The following RBFOX3 variants were observed in gnomAD, a reference collection of about 807,000 sequenced individuals.
RBFOX3 encodes RNA binding protein fox-1 homolog 3.
RBFOX3 carries 17 observed loss-of-function variants against 48.7 expected under a neutral mutation model. The ratio of observed to expected loss-of-function variants is 0.35; its 90% CI spans 0.24 to 0.52. RBFOX3 has a LOEUF of 0.52. RBFOX3 is among the 20% of genes least tolerant of loss of function. The pLI is 0.94. For synonymous variants in RBFOX3, 212 were observed against 209.5 expected (o/e 1.01, Z -0.10); for missense variants, 382 against 497.5 (o/e 0.77, Z 2.21).
intron 3 of RBFOX3, among the ~76,000 whole-genome samples, chr17:79,279,503 G>A (rs538774591): frequency 1.1e-4 from 16 of 152,290 alleles, no homozygotes; most frequent in Admixed American, 7.2e-4. Context: ...CTGTCACGGC[G>A]GGTTGTGGGC....
At chr17:79,526,920 C>T (rs1321698608) in intron 1 of RBFOX3, among the ~76,000 whole-genome samples, 1 of 152,236 alleles carries the variant, frequency 6.6e-6, no homozygotes, top group Non-Finnish European at 1.5e-5. Flanking sequence ...CTGCAGCCAG[C>T]CACGCTGGAG....
chr17:79,624,513 C>T, the RBFOX3 span, among the ~76,000 whole-genome samples: 1 of 152,122 alleles, frequency 6.6e-6, no homozygotes, highest in Admixed American at 6.5e-5. Flanking sequence ...AATCTGGAGA[C>T]TCAAGTCCAA....
intron 5 of RBFOX3, among the ~76,000 whole-genome samples, chr17:79,110,488 G>A (rs1053151696): frequency 2.0e-5 from 3 of 152,184 alleles, no homozygotes; most frequent in African/African-American, 4.8e-5. Flanking sequence ...TTGTTGGCAC[G>A]GAACCAAGCT....
intron 4 of RBFOX3, among the ~76,000 whole-genome samples, chr17:79,186,678 T>TAA (rs34346626): frequency 2.0e-4 from 30 of 151,680 alleles, no homozygotes; most frequent in African/African-American, 9.7e-5. Flanking sequence ...ATTCACTACT[T>TAA]AAAAAAAAGA....
intron 4 of RBFOX3, among the ~76,000 whole-genome samples, chr17:79,150,063 A>AGGGGGGGGGGTGG (rs2044063914): frequency 8.3e-5 from 1 of 11,988 alleles, no homozygotes. Context: ...ATGGGGGTTG[A>AGGGGGGGGGGTGG]GGGTGGGGGT....
At chr17:79,156,877 C>T (rs768766552) in intron 4 of RBFOX3, among the ~76,000 whole-genome samples, 4 of 152,188 alleles carry the variant, frequency 2.6e-5, no homozygotes, top group Non-Finnish European at 5.9e-5. Context: ...CGGGAGGAAA[C>T]GGCATGCTGG....
the RBFOX3 span, among the ~76,000 whole-genome samples, chr17:79,639,621 A>G: frequency 6.6e-6 from 1 of 152,218 alleles, no homozygotes; most frequent in Non-Finnish European, 1.5e-5. Flanking sequence ...GAACTCAACA[A>G]CACATTAAAA....
intron 3 of RBFOX3, among the ~76,000 whole-genome samples, chr17:79,270,483 C>T (rs2067467241): frequency 6.6e-6 from 1 of 152,270 alleles, no homozygotes; most frequent in Non-Finnish European, 1.5e-5. Flanking sequence ...CATGCCTCCC[C>T]TTCTCCTGTA....
chr17:79,155,873 C>T (rs572263739), intron 4 of RBFOX3, among the ~76,000 whole-genome samples: 5 of 152,318 alleles, frequency 3.3e-5, no homozygotes, highest in African/African-American at 1.2e-4. Context: ...TTCCCACCCG[C>T]ACCTCTCCTC....
At chr17:79,557,685 G>T (rs892744515) in intron 1 of RBFOX3, among the ~76,000 whole-genome samples, 1 of 152,238 alleles carries the variant, frequency 6.6e-6, no homozygotes, top group Non-Finnish European at 1.5e-5. Context: ...ATTGGCTCTG[G>T]TATCAACACA....
intron 3 of RBFOX3, among the ~76,000 whole-genome samples, chr17:79,303,851 C>CTCTGTGTGTGTGTGTG (rs1555657051): frequency 6.1e-5 from 9 of 147,780 alleles, no homozygotes; most frequent in African/African-American, 2.2e-4. Flanking sequence ...GCATGTCTGC[C>CTCTGTGTGTGTGTGTG]TGTGTGTGTG....
At position 79,249,343 on chromosome 17, in the gene RBFOX3, G is replaced by A. The variant is rs1021510655; in HGVS notation, c.-73-13538C>T. On this transcript the variant is annotated intron_variant, in intron 3 of 14. Coordinates refer to ENST00000693108, the MANE Select transcript of RBFOX3 (RefSeq NM_001350451.2). This position sits in a 1 kb window ranked among gnomAD's most constrained non-coding sequence, Gnocchi z 4.1. Reference sequence around the variant, plus strand: ...CACCTCCCTCTGTTCCCTGTGTCTCGGCCCGCTCGGCTCCAATGCTGCTGC... The same window carrying A: ...CACCTCCCTCTGTTCCCTGTGTCTCAGCCCGCTCGGCTCCAATGCTGCTGC... Among the ~76,000 whole-genome samples, 3 of 152,106 alleles carry A rather than the reference G, an allele frequency of 2.0e-5. No individual in the cohort carries two copies. Among genetic ancestry groups the A allele is most frequent in the Admixed American group, 1.3e-4 (2 of 15,270 alleles).
At chr17:79,584,915 G>GCCA (rs1172134454) in intron 1 of RBFOX3, among the ~76,000 whole-genome samples, 1 of 151,984 alleles carries the variant, frequency 6.6e-6, no homozygotes, top group African/African-American at 2.4e-5. Flanking sequence ...ACAGGCACCC[G>GCCA]CCACCACACC....
intron 1 of RBFOX3, among the ~76,000 whole-genome samples, chr17:79,552,141 G>T (rs1599132569): frequency 6.6e-6 from 1 of 152,268 alleles, no homozygotes; most frequent in East Asian, 1.9e-4. Context: ...GTGGGTAGCA[G>T]AATGGAAAGA....
At chr17:79,551,550 G>A (rs2091160191) in intron 1 of RBFOX3, among the ~76,000 whole-genome samples, 2 of 150,920 alleles carry the variant, frequency 1.3e-5, no homozygotes, top group Admixed American at 1.3e-4. Context: ...TGGGTGGATG[G>A]ATGGGCAGAT....
chr17:79,146,022 C>T (rs1212419122), intron 4 of RBFOX3, among the ~76,000 whole-genome samples: 3 of 152,154 alleles, frequency 2.0e-5, no homozygotes, highest in Middle Eastern at 3.2e-3. Context: ...ATCCCTTGCA[C>T]GTGCAGTTCA....
At chr17:79,332,555 GTGT>G (rs2080485638) in intron 2 of RBFOX3, among the ~76,000 whole-genome samples, 1 of 124,362 alleles carries the variant, frequency 8.0e-6, no homozygotes, top group Non-Finnish European at 1.8e-5. Flanking sequence ...ACACAGAGAA[GTGT>G]GGGGGCGTGG....
intron 3 of RBFOX3, among the ~76,000 whole-genome samples, chr17:79,272,923 A>AC (rs5822284): frequency 0.63 from 95,737 of 151,252 alleles, 30,612 homozygotes; most frequent in East Asian, 0.8. Flanking sequence ...CTCTAGGGCC[A>AC]CCCCAGTACC....
At position 79,089,818 on chromosome 17, in the gene RBFOX3, C is replaced by A. The variant is rs2073574709; in HGVS notation, c.*1065G>T. 1 of 152,570 alleles carries A rather than the reference C, an allele frequency of 6.6e-6. No individual in the cohort carries two copies. Among genetic ancestry groups the A allele is most frequent in the South Asian group, 2.1e-4 (1 of 4,832 alleles). 9.5% of individuals were successfully genotyped at this position (152,570 alleles called of 1,614,324 possible). The stretch of plus-strand genomic sequence containing the variant: ...CTGTCCTTGGTGCTGCTCCCGCCAC[C>A]TGGACACCTGCCTTGGGAGCAGGGA... On this transcript the variant is annotated 3_prime_UTR_variant, in exon 15 of 15. Transcript: ENST00000693108.
Sources: gnomAD v4.1 joint callset for allele counts (sites outside exome capture counted in the v4.1 genomes callset) on GRCh38, gnomAD v4.1.1 for gene constraint, Gnocchi (gnomAD v3.1) non-coding constraint, MANE v1.5 for transcripts, NCBI Gene and HGNC (gene_info 2026-07-23, HGNC 2026-07-21) for gene names.